Variants in DOCK7 observed in about 807,000 individuals in gnomAD.
DOCK7 encodes the protein dedicator of cytokinesis 7.
DOCK7 carries 138 observed loss-of-function variants against 271.0 expected under a neutral mutation model. That is an observed-to-expected ratio of 0.51 (90% CI 0.44 to 0.59). The LOEUF (loss-of-function observed/expected upper bound fraction) is 0.59, where lower values mean the gene tolerates loss of function less well. Among genes scored for constraint, DOCK7 ranks in the 20% least tolerant of loss-of-function variants. The probability of loss-of-function intolerance (pLI) is 0.00; values close to 1 mark genes in which losing one functional copy is unlikely to be tolerated. For missense variants in DOCK7, 2,066 were observed against 2,592.4 expected, an observed-to-expected ratio of 0.80 and a Z score of 4.41; for synonymous variants, 823 against 876.1, an observed-to-expected ratio of 0.94 and a Z score of 1.07.
intron 14 of DOCK7, chr1:62,605,612 T>C (rs1650875046): frequency 1.3e-5 from 2 of 152,386 alleles, no homozygotes; most frequent in Non-Finnish European, 2.9e-5. Context: ...AGAATGAACA[T>C]ATTTGTGGCA....
At chr1:62,477,512 CTATTT>C (rs1378436732) in intron 44 of DOCK7, among the ~76,000 whole-genome samples, 183 bp downstream of exon 44, 1 of 152,162 alleles carries the variant, frequency 6.6e-6, no homozygotes, top group African/African-American at 2.4e-5. Context: ...GACAATATTA[CTATTT>C]TATTGCTGCC....
chr1:62,496,044 T>C, intron 38 of DOCK7: 1 of 381,638 alleles, frequency 2.6e-6, no homozygotes, highest in Non-Finnish European at 4.6e-6. Flanking sequence ...AGGCATATTA[T>C]TGTTTGATTA....
Position 62,505,724 on chromosome 1 carries a change from A to AAC in DOCK7, c.4568_4569insGT (p.Tyr1523Ter). Residue 1523 changes from tyrosine (Y) to a stop codon, truncating the protein, a stop_gained and frameshift_variant, in exon 36 of 50, where the codon TAT (tyrosine) becomes TAGTT (stop). Coordinates refer to ENST00000635253, the MANE Select transcript of DOCK7 (RefSeq NM_001367561.1). LOFTEE classifies it high-confidence loss of function. ...TCTGTGTAGCAAAACAGTGTTGTAGATAAACTGCACTTTGGTTACAGGCCA... is the reference window on the plus strand; with the variant it reads ...TCTGTGTAGCAAAACAGTGTTGTAGAACTAAACTGCACTTTGGTTACAGGCCA... ...HSMACNQSAVYLQHCFATQRA... is the reference protein window; with the variant it reads ...HSMACNQSAV The AAC allele has an allele frequency of 6.2e-7, 1 of 1,613,696 alleles. No individual in the cohort carries two copies. The highest frequency in any genetic ancestry group is 8.5e-7 in the Non-Finnish European group (1 of 1,179,772).
Position 62,455,063 on chromosome 1 carries a change from A to G in DOCK7, c.*351T>C. The G allele has an allele frequency of 2.1e-6, 1 of 486,830 alleles. No homozygotes were observed. 30.2% of individuals were successfully genotyped at this position (486,830 alleles called of 1,614,324 possible). Reference sequence around the variant, plus strand: ...GTACCTTTAAAATAAGCATTACTACATTTAAAATGGTTCCAAAATGAATCT... The same window carrying G: ...GTACCTTTAAAATAAGCATTACTACGTTTAAAATGGTTCCAAAATGAATCT... On this transcript the variant is annotated 3_prime_UTR_variant, in exon 50 of 50. Transcript: ENST00000635253.
At chr1:62,633,696 T>C in intron 9 of DOCK7, 118 bp from the exon 10 acceptor site, 1 of 675,694 alleles carries the variant, frequency 1.5e-6, no homozygotes, top group South Asian at 1.9e-5. Context: ...ATATATGACA[T>C]CTCAATTGCT....
chr1:62,629,304 T>G lies in DOCK7; in HGVS notation c.1282+1936A>C, dbSNP rs543910103. On this transcript the variant is annotated intron_variant, in intron 11 of 49. Transcript: ENST00000635253. ...AAGCTTGTAAATGACGTTTCAACAC[T>G]ATGAAACATTATGCATAATAAACTA... 6.2e-4 allele frequency: 94 copies of G among 152,282 alleles called. 1 individual carries two copies. The highest frequency in any genetic ancestry group is 3.3e-4 in the Admixed American group (5 of 15,282). The allele number at this position is 152,282 out of a possible 1,614,324, so 9.4% of individuals were successfully genotyped here.
intron 18 of DOCK7, among the ~76,000 whole-genome samples, chr1:62,570,005 C>T (rs758731830): frequency 4.6e-5 from 7 of 152,162 alleles, no homozygotes; most frequent in African/African-American, 7.2e-5. Flanking sequence ...TGGGCCACTG[C>T]GTCCAGCCAC....
At chr1:62,541,922 G>A (rs938484169) in intron 25 of DOCK7, among the ~76,000 whole-genome samples, 11 of 152,072 alleles carry the variant, frequency 7.2e-5, no homozygotes, top group East Asian at 1.9e-4. Flanking sequence ...TTATCCATGC[G>A]GAGTGCAGTG....
At chr1:62,517,825 C>A (rs1245308662) in intron 31 of DOCK7, among the ~76,000 whole-genome samples, 1 of 152,170 alleles carries the variant, frequency 6.6e-6, no homozygotes, top group Non-Finnish European at 1.5e-5. Context: ...ATGTGCATAA[C>A]CTCTAACCCA....
intron 1 of DOCK7, among the ~76,000 whole-genome samples, chr1:62,674,729 T>C (rs138772515): frequency 6.6e-6 from 1 of 152,294 alleles, no homozygotes; most frequent in South Asian, 2.1e-4. Context: ...TTTTCAACAG[T>C]GTTGCAACAA....
chr1:62,688,190 G>A (rs1662063339), intron 1 of DOCK7, 37 bp downstream of exon 1: 2 of 1,335,272 alleles, frequency 1.5e-6, no homozygotes, highest in East Asian at 3.5e-5. Flanking sequence ...CTCTTTCTCG[G>A]GCGGCGGCGG....
chr1:62,480,175 T>C (rs1165832670), intron 43 of DOCK7, among the ~76,000 whole-genome samples: 4 of 152,210 alleles, frequency 2.6e-5, no homozygotes, highest in African/African-American at 9.6e-5. Context: ...AATGCCATCC[T>C]TTAAAGTGTG....
chr1:62,525,302 C>T (rs971021333), intron 31 of DOCK7, among the ~76,000 whole-genome samples: 15 of 151,968 alleles, frequency 9.9e-5, no homozygotes, highest in African/African-American at 3.4e-4. Context: ...AGCCACCATG[C>T]CTGGCCTAGA....
At chr1:62,588,678 T>C (rs528618187) in intron 14 of DOCK7, among the ~76,000 whole-genome samples, 1 of 152,170 alleles carries the variant, frequency 6.6e-6, no homozygotes, top group Non-Finnish European at 1.5e-5. Context: ...TTTGGTTGCT[T>C]CCTTCTATGA....
chr1:62,659,237 T>C lies in DOCK7; in HGVS notation c.144+3788A>G, dbSNP rs370986187. On this transcript the variant is annotated intron_variant, in intron 2 of 49. Coordinates refer to ENST00000635253, the MANE Select transcript of DOCK7 (RefSeq NM_001367561.1). ...TGTCCAGTATGATTCTAAGTGTTTA[T>C]AGAAAAATGTTTAAGACAATTATAT... 3.9e-5 allele frequency among the ~76,000 whole-genome samples: 6 copies of C among 152,200 alleles called. No homozygotes were observed. In the East Asian group the frequency reaches 7.7e-4, roughly 20 times the overall value.
In DOCK7 at chr1:62,513,882, G is replaced by A; in HGVS notation, c.3953C>T (p.Thr1318Ile). 1 of 1,613,296 alleles carries A rather than the reference G, an allele frequency of 6.2e-7. No individual in the cohort carries two copies. Among genetic ancestry groups the A allele is most frequent in the East Asian group, 2.2e-5 (1 of 44,850 alleles). The change falls in exon 32 of 50, where the codon ACT becomes ATT. Residue 1318 changes from threonine to isoleucine, a missense_variant. Thr to Ile is a moderately conservative substitution (Grantham distance 89). Coordinates refer to ENST00000635253, the MANE Select transcript of DOCK7 (RefSeq NM_001367561.1). ...LLTSTSGRQHTTFSAESSRSL... is the reference protein window; with the variant it reads ...LLTSTSGRQHITFSAESSRSL... The stretch of plus-strand genomic sequence containing the variant: ...TCGACTTGATTCTGCTGAAAAGGTA[G>A]TGTGTTGCCTGCCACTCTGAAAATA...
intron 29 of DOCK7, among the ~76,000 whole-genome samples, chr1:62,534,478 G>C (rs748591946): frequency 6.6e-6 from 1 of 152,052 alleles, no homozygotes; most frequent in Non-Finnish European, 1.5e-5. Context: ...AGCCGGGAGT[G>C]GTGGCACGCG....
At chr1:62,480,752 T>C (rs1328307029) in intron 43 of DOCK7, among the ~76,000 whole-genome samples, 1 of 152,224 alleles carries the variant, frequency 6.6e-6, no homozygotes, top group African/African-American at 2.4e-5. Flanking sequence ...CTCATGCCTG[T>C]AATCCCAGCA....
chr1:62,464,884 T>G (rs577232617), intron 48 of DOCK7, among the ~76,000 whole-genome samples: 1 of 152,242 alleles, frequency 6.6e-6, no homozygotes, highest in Admixed American at 6.5e-5. Flanking sequence ...GCGAAAAGAC[T>G]TGAAAACAAA....
Sources: allele counts gnomAD v4.1 joint callset (sites outside exome capture counted in the v4.1 genomes callset), GRCh38; gene constraint gnomAD v4.1.1; transcripts MANE v1.5; gene names NCBI Gene and HGNC (gene_info 2026-07-23, HGNC 2026-07-21).